PLXDC2: variants seen among roughly 807,000 people sequenced by gnomAD.
PLXDC2 encodes plexin domain containing 2, also known as plexin domain-containing protein 2.
In PLXDC2, 40 loss-of-function variants were observed where a neutral mutation model predicts 68.9. The ratio of observed to expected loss-of-function variants is 0.58; its 90% CI spans 0.45 to 0.76. The LOEUF is 0.76. Among genes scored for constraint, PLXDC2 ranks in the 30% least tolerant of loss-of-function variants. PLXDC2 has a pLI of 0.00. For synonymous variants in PLXDC2, 243 were observed against 234.2 expected, an observed-to-expected ratio of 1.04 and a Z score of -0.34; for missense variants, 644 against 661.9, an observed-to-expected ratio of 0.97 and a Z score of 0.30.
Position 20,259,182 on chromosome 10 carries a change from C to T in PLXDC2, c.1473+13677C>T, listed in dbSNP as rs1835780585. ...CACACACATATTTATTAATTCATCT[C>T]AGCACATAGCAGAACAATTGCCTTT... On this transcript the variant is annotated intron_variant, in intron 13 of 13. Coordinates refer to ENST00000377252, the MANE Select transcript of PLXDC2 (RefSeq NM_032812.9). Among the ~76,000 whole-genome samples, 3 of 152,070 alleles carry T rather than the reference C, an allele frequency of 2.0e-5. No homozygotes were observed. The South Asian group carries it at 6.2e-4, about 31-fold the overall frequency.
chr10:20,132,048 A>T (rs1489304477), intron 4 of PLXDC2, among the ~76,000 whole-genome samples: 1 of 152,064 alleles, frequency 6.6e-6, no homozygotes, highest in Non-Finnish European at 1.5e-5. Context: ...TTATATTTGC[A>T]TTTTTGTTTG....
chr10:20,175,118 A>G (rs911866890), intron 7 of PLXDC2, among the ~76,000 whole-genome samples: 1 of 152,120 alleles, frequency 6.6e-6, no homozygotes, highest in Non-Finnish European at 1.5e-5. Context: ...GCAGCAAAAA[A>G]CTTGTATGAT....
chr10:20,048,753 C>T (rs573861426), intron 3 of PLXDC2, among the ~76,000 whole-genome samples: 11 of 152,012 alleles, frequency 7.2e-5, no homozygotes, highest in Non-Finnish European at 1.5e-4. Flanking sequence ...CTCTGTGCCG[C>T]CCCCCAAGGT....
At chr10:19,873,848 G>A (rs1837586769) in intron 1 of PLXDC2, among the ~76,000 whole-genome samples, 1 of 152,140 alleles carries the variant, frequency 6.6e-6, no homozygotes, top group African/African-American at 2.4e-5. Flanking sequence ...TCCCTAAAAT[G>A]GTCTGGCATC....
intron 4 of PLXDC2, among the ~76,000 whole-genome samples, chr10:20,140,771 A>G (rs1023603009): frequency 2.6e-5 from 4 of 152,160 alleles, no homozygotes; most frequent in Non-Finnish European, 5.9e-5. Flanking sequence ...TGATATAAGT[A>G]ACTTTCAATA....
intron 3 of PLXDC2, among the ~76,000 whole-genome samples, chr10:20,058,123 C>G (rs1836032226): frequency 6.6e-6 from 1 of 151,958 alleles, no homozygotes; most frequent in Non-Finnish European, 1.5e-5. Flanking sequence ...TGAACTTTAC[C>G]CACTGAATTC....
intron 1 of PLXDC2, among the ~76,000 whole-genome samples, chr10:19,975,312 G>T (rs1377667039): frequency 6.6e-6 from 1 of 152,024 alleles, no homozygotes; most frequent in Non-Finnish European, 1.5e-5. Flanking sequence ...CAAAAAATTA[G>T]CTGGGCATGG....
chr10:20,252,478 AT>A (rs757812564), intron 13 of PLXDC2, among the ~76,000 whole-genome samples: 5 of 152,216 alleles, frequency 3.3e-5, no homozygotes, highest in Non-Finnish European at 7.3e-5. Flanking sequence ...TTCACATTAT[AT>A]TTCTATTGGA....
At chr10:19,911,502 A>T (rs1589532190) in intron 1 of PLXDC2, among the ~76,000 whole-genome samples, 1 of 133,860 alleles carries the variant, frequency 7.5e-6, no homozygotes, top group African/African-American at 3.6e-5. Context: ...TTGTGATGGT[A>T]AAAAAGTAGG....
intron 4 of PLXDC2, among the ~76,000 whole-genome samples, chr10:20,117,430 C>T (rs1292891060): frequency 6.6e-6 from 1 of 151,968 alleles, no homozygotes; most frequent in Non-Finnish European, 1.5e-5. Flanking sequence ...TGTGTGAGTG[C>T]ACATGTATAC....
At chr10:20,196,730 G>A (rs527342160) in intron 9 of PLXDC2, among the ~76,000 whole-genome samples, 5 of 152,150 alleles carry the variant, frequency 3.3e-5, no homozygotes, top group Non-Finnish European at 7.4e-5. Context: ...TTGAGAAATA[G>A]TGTCAAGTTG....
chr10:20,039,092 T>A (rs1218983715), intron 2 of PLXDC2, among the ~76,000 whole-genome samples: 1 of 152,180 alleles, frequency 6.6e-6, no homozygotes, highest in Non-Finnish European at 1.5e-5. Flanking sequence ...GAACTAGAGA[T>A]CAGTTCACCT....
intron 1 of PLXDC2, among the ~76,000 whole-genome samples, chr10:19,891,849 A>G (rs904036055): frequency 6.6e-6 from 1 of 152,240 alleles, no homozygotes; most frequent in African/African-American, 2.4e-5. Flanking sequence ...ATTACATGTG[A>G]AATTGCTTCT....
chr10:20,080,985 C>G (rs979014606), intron 4 of PLXDC2, among the ~76,000 whole-genome samples: 1 of 152,210 alleles, frequency 6.6e-6, no homozygotes, highest in African/African-American at 2.4e-5. Context: ...TTAGGGGGAC[C>G]TTTAAACTTC....
At chr10:20,062,192 G>A (rs571512041) in intron 3 of PLXDC2, among the ~76,000 whole-genome samples, 4 of 152,288 alleles carry the variant, frequency 2.6e-5, no homozygotes, top group Admixed American at 6.5e-5. Context: ...TTGGGAGGCC[G>A]AGGTGGGCGG....
At chr10:19,880,209 G>A (rs1837702631) in intron 1 of PLXDC2, among the ~76,000 whole-genome samples, 1 of 152,058 alleles carries the variant, frequency 6.6e-6, no homozygotes, top group Admixed American at 6.6e-5. Flanking sequence ...TTTCTATTTA[G>A]AATCAGTGAG....
At chr10:19,836,368 T>A (rs1048068811) in intron 1 of PLXDC2, among the ~76,000 whole-genome samples, 1 of 152,188 alleles carries the variant, frequency 6.6e-6, no homozygotes, top group East Asian at 1.9e-4. Context: ...GAAACCATGT[T>A]AGGATCACTG....
chr10:20,211,629 A>C (rs754241205), intron 9 of PLXDC2, 40 bp from the exon 10 acceptor site: 2 of 1,600,494 alleles, frequency 1.2e-6, no homozygotes, highest in Non-Finnish European at 8.6e-7. Flanking sequence ...CCTGCACCCT[A>C]TCCTTCCTTT....
chr10:19,860,451 C>T (rs912800985), intron 1 of PLXDC2, among the ~76,000 whole-genome samples: 1 of 152,132 alleles, frequency 6.6e-6, no homozygotes, highest in Non-Finnish European at 1.5e-5. Context: ...AATGAAAGAA[C>T]ACTGAACTAG....
Sources: allele counts gnomAD v4.1 joint callset (sites outside exome capture counted in the v4.1 genomes callset), GRCh38; gene constraint gnomAD v4.1.1; transcripts MANE v1.5; gene names NCBI Gene and HGNC (gene_info 2026-07-23, HGNC 2026-07-21).